DYRK4: variants seen among roughly 807,000 people sequenced by gnomAD.
The protein encoded by DYRK4 is dual specificity tyrosine-phosphorylation-regulated kinase 4.
In DYRK4, 64 loss-of-function variants were observed where a neutral mutation model predicts 68.3. That is an observed-to-expected ratio of 0.94 (90% CI 0.77 to 1.15). The LOEUF (loss-of-function observed/expected upper bound fraction) is 1.15, where lower values mean the gene tolerates loss of function less well. Among genes scored for constraint, DYRK4 ranks in the 50% most tolerant of loss-of-function variants. The probability of loss-of-function intolerance (pLI) is 0.00; values close to 1 mark genes in which losing one functional copy is unlikely to be tolerated. For missense variants in DYRK4, 740 were observed against 764.7 expected (o/e 0.97, Z 0.38); for synonymous variants, 274 against 289.9 (o/e 0.95, Z 0.56).
chr12:4,587,854 G>C (rs1168692311), intron 2 of DYRK4, among the ~76,000 whole-genome samples: 1 of 152,200 alleles, frequency 6.6e-6, no homozygotes, highest in Non-Finnish European at 1.5e-5. Flanking sequence ...AAGTGGGTCT[G>C]ATACCAGCTG....
intron 8 of DYRK4, 116 bp from the exon 9 acceptor site, chr12:4,598,912 C>G: frequency 8.2e-7 from 1 of 1,224,168 alleles, no homozygotes; most frequent in East Asian, 2.3e-5. Flanking sequence ...GCCTCCTGGC[C>G]TGAGGCTTGC....
Position 4,566,454 on chromosome 12 carries a change from C to T in DYRK4, c.39-1501C>T, listed in dbSNP as rs537597225. ...GCCCTTGACACTCCTGCCTGCTCTGCTCATTCTTCAGAGATGGTTCTACCC... is the reference window on the plus strand; with the variant it reads ...GCCCTTGACACTCCTGCCTGCTCTGTTCATTCTTCAGAGATGGTTCTACCC... On this transcript the variant is annotated intron_variant, in intron 1 of 14. Coordinates refer to ENST00000543431, the MANE Select transcript of DYRK4 (RefSeq NM_001394779.1). Among the ~76,000 whole-genome samples, 42 of 152,354 alleles carry T rather than the reference C, an allele frequency of 2.8e-4. No homozygotes were observed. In the Middle Eastern group the frequency reaches 0.017, roughly 62 times the overall value.
chr12:4,586,649 G>C (rs925143701), intron 2 of DYRK4, among the ~76,000 whole-genome samples: 1 of 151,668 alleles, frequency 6.6e-6, no homozygotes, highest in African/African-American at 2.4e-5. Flanking sequence ...AGATGTAGAG[G>C]CCACCAGTCC....
At chr12:4,579,195 A>G (rs941748334) in intron 2 of DYRK4, among the ~76,000 whole-genome samples, 2 of 152,054 alleles carry the variant, frequency 1.3e-5, no homozygotes, top group Admixed American at 6.6e-5. Flanking sequence ...AATCATTTGA[A>G]CCTGGGAGGC....
Position 4,610,245 on chromosome 12 carries a change from A to T in DYRK4, c.1451A>T (p.Tyr484Phe). The change falls in exon 13 of 15, where the codon TAT becomes TTT. Residue 484 changes from tyrosine to phenylalanine, a missense_variant. Transcript: ENST00000543431. ...GACCTCACGATGGTGCTGAAAACCT[A>T]TGACACCAGCTTCCTGGACTTTCTC... Reference protein sequence around the residue: ...SKDLTMVLKTYDTSFLDFLRR... With the variant: ...SKDLTMVLKTFDTSFLDFLRR... 1 of 1,594,034 alleles carries T rather than the reference A, an allele frequency of 6.3e-7. No individual in the cohort carries two copies. The highest frequency in any genetic ancestry group is 1.1e-5 in the South Asian group (1 of 87,048).
At chr12:4,582,182 G>A (rs952468069) in intron 2 of DYRK4, among the ~76,000 whole-genome samples, 4 of 152,188 alleles carry the variant, frequency 2.6e-5, no homozygotes, top group African/African-American at 4.8e-5. Context: ...AGTGGCTCAC[G>A]CCTGTAATCC....
chr12:4,575,972 AT>A (rs1484717473), intron 2 of DYRK4, among the ~76,000 whole-genome samples: 1 of 152,158 alleles, frequency 6.6e-6, no homozygotes, highest in Admixed American at 6.5e-5. Flanking sequence ...TATTATTGAC[AT>A]TTTACATTCA....
rs1944957118 is a variant in DYRK4 at position 4,591,667 on chromosome 12, A to G, written c.463+369A>G. 4.8e-6 allele frequency: 1 copy of G among 208,914 alleles called. No individual in the cohort carries two copies. Among genetic ancestry groups the G allele is most frequent in the Non-Finnish European group, 9.6e-6 (1 of 103,860 alleles). The allele number at this position is 208,914 out of a possible 1,614,324, so 12.9% of individuals were successfully genotyped here. A position where few individuals can be genotyped will look rare whatever the true frequency, so the allele number is the denominator to read the frequency against. ...AGAGCCAGGAGTGGAAAGGTACTGA[A>G]TACTGAGAGCAGAGCAAAGGGTGCT... On this transcript the variant is annotated intron_variant, in intron 5 of 14. Transcript: ENST00000543431. This position sits in a 1 kb window ranked among gnomAD's most constrained non-coding sequence, Gnocchi z 4.1.
At chr12:4,596,422 A>C in intron 7 of DYRK4, 137 bp downstream of exon 7, 1 of 1,516,452 alleles carries the variant, frequency 6.6e-7, no homozygotes, top group Non-Finnish European at 8.8e-7. Context: ...TACCCGTCTG[A>C]TTCCATGAGG....
At chr12:4,608,407 A>C (rs1945178589) in intron 12 of DYRK4, among the ~76,000 whole-genome samples, 1 of 152,088 alleles carries the variant, frequency 6.6e-6, no homozygotes, top group South Asian at 2.1e-4. Context: ...CAAATCACAC[A>C]ATTTCTGTTC....
chr12:4,574,408 G>A (rs992430013), intron 2 of DYRK4, among the ~76,000 whole-genome samples: 2 of 151,968 alleles, frequency 1.3e-5, no homozygotes, highest in East Asian at 1.9e-4. Context: ...CATTTTGCAT[G>A]TTTTTTAAAA....
chr12:4,599,754 T>C lies in DYRK4; in HGVS notation c.1092T>C (p.Ile364=), dbSNP rs766629363. ...YQKGQASVKV[I]DFGSSCYEHQ... ...AGGGCCAAGCCTCTGTTAAAGTCATTGACTTTGGATCAAGCTGTTATGAAC... is the reference window on the plus strand; with the variant it reads ...AGGGCCAAGCCTCTGTTAAAGTCATCGACTTTGGATCAAGCTGTTATGAAC... Residue 364 remains isoleucine, a synonymous_variant, in exon 10 of 15, where the codon ATT becomes ATC. Transcript: ENST00000543431. 2.5e-6 allele frequency: 4 copies of C among 1,614,026 alleles called. No individual in the cohort carries two copies. The African/African-American group carries it at 5.3e-5, about 22-fold the overall frequency.
intron 9 of DYRK4, among the ~76,000 whole-genome samples, 199 bp downstream of exon 9, chr12:4,599,365 C>T (rs1945055590): frequency 6.8e-6 from 1 of 146,774 alleles, no homozygotes; most frequent in Non-Finnish European, 1.5e-5. Context: ...CAGTCAATGG[C>T]ATTTCTAAGG....
chr12:4,599,305 T>A, intron 9 of DYRK4, 139 bp downstream of exon 9: 1 of 847,364 alleles, frequency 1.2e-6, no homozygotes, highest in Non-Finnish European at 1.8e-6. Flanking sequence ...TGCTCTACTG[T>A]CATGGCAGTA....
intron 12 of DYRK4, among the ~76,000 whole-genome samples, chr12:4,609,614 G>A (rs1235252241): frequency 6.6e-6 from 1 of 152,230 alleles, no homozygotes; most frequent in Non-Finnish European, 1.5e-5. Flanking sequence ...GGGAATGACT[G>A]ATGAGGGCCA....
In DYRK4 at chr12:4,562,410, G is replaced by A. The variant is rs1944636195; in HGVS notation, c.38+127G>A. 12 of 1,218,202 alleles carry A rather than the reference G, an allele frequency of 9.9e-6. No homozygotes were observed. In the Admixed American group the frequency reaches 1.5e-4, roughly 15 times the overall value. The allele number at this position is 1,218,202 out of a possible 1,614,324, so 75.5% of individuals were successfully genotyped here. A position where few individuals can be genotyped will look rare whatever the true frequency, so the allele number is the denominator to read the frequency against. ...CGTGCAGAATGCAAGAGCTGACCGGGGAATGTGGGTCAGAGAGAGGCGGGC... is the reference window on the plus strand; with the variant it reads ...CGTGCAGAATGCAAGAGCTGACCGGAGAATGTGGGTCAGAGAGAGGCGGGC... On this transcript the variant is annotated intron_variant, in intron 1 of 14. Transcript: ENST00000543431.
At chr12:4,597,987 A>G (rs1945037786) in intron 8 of DYRK4, among the ~76,000 whole-genome samples, 1 of 152,190 alleles carries the variant, frequency 6.6e-6, no homozygotes, top group African/African-American at 2.4e-5. Flanking sequence ...AATCACTTAA[A>G]TGTGGGAGGC....
chr12:4,582,333 A>G (rs1944851031), intron 2 of DYRK4, among the ~76,000 whole-genome samples: 1 of 152,068 alleles, frequency 6.6e-6, no homozygotes, highest in African/African-American at 2.4e-5. Context: ...AATCCCAGCT[A>G]CTCGGGAGGC....
intron 10 of DYRK4, chr12:4,602,416 T>C: frequency 1.0e-6 from 1 of 969,898 alleles, no homozygotes; most frequent in South Asian, 1.3e-5. Context: ...TATGTTGAGG[T>C]CACTGATGAG....
Sources: allele counts gnomAD v4.1 joint callset (sites outside exome capture counted in the v4.1 genomes callset), GRCh38; gene constraint gnomAD v4.1.1; non-coding constraint Gnocchi (gnomAD v3.1); transcripts MANE v1.5; gene names NCBI Gene and HGNC (gene_info 2026-07-23, HGNC 2026-07-21).